Variants in DNAH2 observed in about 807,000 individuals in gnomAD.
DNAH2 encodes dynein axonemal heavy chain 2.
DNAH2 carries 323 observed loss-of-function variants against 523.5 expected under a neutral mutation model. That is an observed-to-expected ratio of 0.62 (90% confidence interval 0.56 to 0.68). The LOEUF (loss-of-function observed/expected upper bound fraction) is 0.68. Among genes scored for constraint, DNAH2 ranks in the 30% least tolerant of loss-of-function variants. The pLI, the probability that DNAH2 is intolerant of heterozygous loss-of-function variation, is 0.00. For synonymous variants in DNAH2, 2,093 were observed against 2,177.4 expected (o/e 0.96, Z 1.08); for missense variants, 4,907 against 5,701.5 (o/e 0.86, Z 4.49).
intron 25 of DNAH2, 69 bp from the exon 26 acceptor site, chr17:7,770,488 G>A (rs1300611383): frequency 1.7e-5 from 28 of 1,612,728 alleles, no homozygotes; most frequent in Middle Eastern, 1.6e-4. Context: ...ATCTGATGGC[G>A]CCTCTCAGCT....
At chr17:7,743,289 C>A in intron 12 of DNAH2, 147 bp downstream of exon 12, 1 of 911,530 alleles carries the variant, frequency 1.1e-6, no homozygotes, top group East Asian at 2.7e-5. Flanking sequence ...TTTTTTTTTT[C>A]TTCTTTTATT....
At chr17:7,751,506 A>G (rs2075682305) in intron 12 of DNAH2, among the ~76,000 whole-genome samples, 1 of 152,190 alleles carries the variant, frequency 6.6e-6, no homozygotes, top group Non-Finnish European at 1.5e-5. Flanking sequence ...TTTGGTGTAG[A>G]GAAAGAGGTG....
At chr17:7,771,780 G>A (rs746630453) in intron 28 of DNAH2, among the ~76,000 whole-genome samples, 2 of 151,914 alleles carry the variant, frequency 1.3e-5, no homozygotes, top group African/African-American at 4.8e-5. Flanking sequence ...GCAGTGGTGC[G>A]ATCTCGGCTC....
Position 7,830,358 on chromosome 17 carries a change from G to A in DNAH2, c.11912G>A (p.Arg3971His), listed in dbSNP as rs574255958. 1.2e-5 allele frequency: 20 copies of A among 1,614,168 alleles called. No individual in the cohort carries two copies. Among genetic ancestry groups the A allele is most frequent in the South Asian group, 6.6e-5 (6 of 91,082 alleles). Residue 3971 changes from arginine to histidine, a missense_variant, in exon 78 of 86, where the codon CGC (arginine) becomes CAC (histidine). By Grantham distance (29) the Arg-to-His change is conservative. Around this residue, in one of 3 missense-constraint regions of DNAH2, gnomAD observed 1,851 missense variants for 2,139.4 expected, o/e 0.87. Transcript: ENST00000572933. ...YQLMSEPQFS[R>H]CSKPAKYKKL... ...CTGATGTCAGAACCACAGTTTTCCC[G>A]CTGCTCCAAACCTGCCAAATATAAG...
Position 7,754,144 on chromosome 17 carries a change from A to AGCAG in DNAH2, c.1905-2940_1905-2937dup, listed in dbSNP as rs1259101656. ...GGGATCTGTGGACGACATTCTTTAA[A>AGCAG]GCAGGCAGGCCGTGAAGGGGAGGAC... On this transcript the variant is annotated intron_variant, in intron 12 of 85. Coordinates refer to ENST00000572933, the MANE Select transcript of DNAH2 (RefSeq NM_020877.5). This position sits in a 1 kb window ranked among gnomAD's most constrained non-coding sequence, Gnocchi z 4.6. 6.6e-6 allele frequency among the ~76,000 whole-genome samples: 1 copy of AGCAG among 152,126 alleles called. No individual in the cohort carries two copies. The highest frequency in any genetic ancestry group is 6.6e-5 in the Admixed American group (1 of 15,260).
chr17:7,728,001 T>C (rs2074877163), intron 4 of DNAH2, among the ~76,000 whole-genome samples: 2 of 152,016 alleles, frequency 1.3e-5, no homozygotes, highest in African/African-American at 2.4e-5. Flanking sequence ...CCACTCTACG[T>C]ACAAAGAAAA....
At chr17:7,803,230 G>A (rs1262149502) in intron 58 of DNAH2, among the ~76,000 whole-genome samples, 1 of 152,106 alleles carries the variant, frequency 6.6e-6, no homozygotes, top group Non-Finnish European at 1.5e-5. Flanking sequence ...AAAGCCCAGT[G>A]TTTTACCTGT....
chr17:7,804,776 G>A (rs2077320855), intron 59 of DNAH2, among the ~76,000 whole-genome samples, 182 bp from the exon 60 acceptor site: 1 of 151,970 alleles, frequency 6.6e-6, no homozygotes, highest in Non-Finnish European at 1.5e-5. Context: ...AACCCTGGGG[G>A]CGGAGGTTGC....
chr17:7,770,962 G>A (rs750536480), intron 27 of DNAH2, 29 bp downstream of exon 27: 19 of 1,607,416 alleles, frequency 1.2e-5, no homozygotes, highest in East Asian at 2.2e-5. Context: ...AGCTCTTCCT[G>A]CTTCCTGCTC....
rs200415226 is a variant in DNAH2 at position 7,770,268 on chromosome 17, C to T, written c.3958C>T (p.Arg1320Trp). The change falls in exon 25 of 86, where the codon CGG becomes TGG. Residue 1320 changes from arginine (R) to tryptophan (W), a missense_variant. Coordinates refer to ENST00000572933, the MANE Select transcript of DNAH2 (RefSeq NM_020877.5). ...ALRERHWDQV[R>W]DEIQREFDQE... is the part of the protein sequence containing the mutation. ...TGGCTGCAGGCACTGGGACCAGGTC[C>T]GGGATGAGATCCAGCGGGAGTTTGA... 53 of 1,609,376 alleles carry T rather than the reference C, an allele frequency of 3.3e-5. No homozygotes were observed. Among genetic ancestry groups the T allele is most frequent in the African/African-American group, 2.3e-4 (17 of 74,954 alleles).
intron 39 of DNAH2, among the ~76,000 whole-genome samples, chr17:7,784,758 A>G (rs551759361): frequency 3.9e-5 from 6 of 152,314 alleles, no homozygotes; most frequent in African/African-American, 1.4e-4. Flanking sequence ...GCAAGAAGCA[A>G]TCGTAAAGGT....
intron 12 of DNAH2, chr17:7,743,364 A>T: frequency 1.4e-6 from 1 of 708,756 alleles, no homozygotes; most frequent in Non-Finnish European, 2.6e-6. Flanking sequence ...CTTAAAACAC[A>T]ACAAAACAAA....
At chr17:7,792,099 C>T (rs1250419568) in intron 45 of DNAH2, 30 bp downstream of exon 45, 1 of 1,610,818 alleles carries the variant, frequency 6.2e-7, no homozygotes, top group South Asian at 1.1e-5. Flanking sequence ...GTCCTATTTG[C>T]CCTGTTTTTC....
chr17:7,775,983 C>T (rs551245705), intron 30 of DNAH2, 41 bp from the exon 31 acceptor site: 77 of 1,608,010 alleles, frequency 4.8e-5, no homozygotes, highest in Non-Finnish European at 6.4e-5. Context: ...TTGGCCGTGC[C>T]CCCTCAGGCT....
intron 4 of DNAH2, among the ~76,000 whole-genome samples, chr17:7,732,778 G>A (rs1257388359): frequency 3.3e-5 from 5 of 151,620 alleles, no homozygotes; most frequent in Non-Finnish European, 7.4e-5. Flanking sequence ...TCTTTCTATC[G>A]ATCCGTTCAT....
At chr17:7,770,489 C>G (rs2076284896) in intron 25 of DNAH2, 68 bp from the exon 26 acceptor site, 1 of 1,612,960 alleles carries the variant, frequency 6.2e-7, no homozygotes, top group African/African-American at 1.3e-5. Context: ...TCTGATGGCG[C>G]CTCTCAGCTC....
chr17:7,727,952 G>T (rs767863946), intron 4 of DNAH2, among the ~76,000 whole-genome samples: 2 of 151,842 alleles, frequency 1.3e-5, no homozygotes, highest in African/African-American at 2.4e-5. Context: ...AGGGTAAGTG[G>T]GATTCCATCA....
intron 56 of DNAH2, among the ~76,000 whole-genome samples, chr17:7,801,299 C>T (rs972421098): frequency 1.3e-5 from 2 of 152,074 alleles, no homozygotes; most frequent in East Asian, 1.9e-4. Flanking sequence ...ATTATTATTC[C>T]CATTTTAGAG....
chr17:7,816,849 A>C (rs745778441), intron 64 of DNAH2, 114 bp downstream of exon 64: 78 of 1,329,974 alleles, frequency 5.9e-5, no homozygotes, highest in Non-Finnish European at 2.9e-5. Context: ...GGGTATAGGG[A>C]ACTCTAAGAA....
Sources: allele counts gnomAD v4.1 joint callset (sites outside exome capture counted in the v4.1 genomes callset), GRCh38; gene constraint gnomAD v4.1.1; regional missense constraint gnomAD v4.1.1; non-coding constraint Gnocchi (gnomAD v3.1); transcripts MANE v1.5; gene names NCBI Gene and HGNC (gene_info 2026-07-23, HGNC 2026-07-21).